The following DGCR2 variants were observed in gnomAD, a reference collection of about 807,000 sequenced individuals.
The protein encoded by DGCR2 is DiGeorge syndrome critical region gene 2.
In DGCR2, 24 loss-of-function variants were observed where a neutral mutation model predicts 51.6. That is an observed-to-expected ratio of 0.47 (90% CI 0.34 to 0.65). The LOEUF (loss-of-function observed/expected upper bound fraction) is 0.65, where lower values mean the gene tolerates loss of function less well. DGCR2 is among the 30% of genes least tolerant of loss of function. The pLI, the probability that DGCR2 is intolerant of heterozygous loss-of-function variation, is 0.01. For missense variants in DGCR2, 765 were observed against 772.1 expected (o/e 0.99, Z 0.11); for synonymous variants, 340 against 315.4 (o/e 1.08, Z -0.82).
intron 5 of DGCR2, among the ~76,000 whole-genome samples, chr22:19,059,975 G>A (rs556102731): frequency 1.4e-4 from 22 of 151,962 alleles, no homozygotes; most frequent in Admixed American, 3.9e-4. Context: ...TTCCTGTCTC[G>A]CCACCTCCAC....
At chr22:19,065,956 A>ATG (rs3831655) in intron 3 of DGCR2, 62,277 of 151,788 alleles carry the variant, frequency 0.41, 13,198 homozygotes, top group African/African-American at 0.53. Context: ...TTATGTAAGC[A>ATG]TGTGTGTGTG....
In DGCR2 at chr22:19,038,670, G is replaced by A; in HGVS notation, c.*195C>T. 1.5e-6 allele frequency: 1 copy of A among 674,336 alleles called. No individual in the cohort carries two copies. The highest frequency in any genetic ancestry group is 3.2e-5 in the Admixed American group (1 of 31,670). 41.8% of individuals were successfully genotyped at this position (674,336 alleles called of 1,614,324 possible). Reference sequence around the variant, plus strand: ...TATGCATGTTTCTGAAGCCCTCAAGGAAGCTCGGTGCAGGCCATCACTTCT... The same window carrying A: ...TATGCATGTTTCTGAAGCCCTCAAGAAAGCTCGGTGCAGGCCATCACTTCT... On this transcript the variant is annotated 3_prime_UTR_variant, in exon 10 of 10. Coordinates refer to ENST00000263196, the MANE Select transcript of DGCR2 (RefSeq NM_005137.3).
At chr22:19,095,669 A>C (rs1235841721) in intron 1 of DGCR2, among the ~76,000 whole-genome samples, 1 of 152,060 alleles carries the variant, frequency 6.6e-6, no homozygotes, top group African/African-American at 2.4e-5. Flanking sequence ...TCAAAAAAAA[A>C]AAAAAAAACA....
chr22:19,084,486 G>A (rs2082984777), intron 2 of DGCR2, among the ~76,000 whole-genome samples: 1 of 147,954 alleles, frequency 6.8e-6, no homozygotes, highest in African/African-American at 2.5e-5. Flanking sequence ...TTGCCCGGGA[G>A]CCGCCCCGTC....
In DGCR2 at chr22:19,068,129, A is replaced by C; in HGVS notation, c.299T>G (p.Val100Gly). ...RGGDPSHFHAVNVAQPVRFSS... is the reference protein window; with the variant it reads ...RGGDPSHFHAGNVAQPVRFSS... Reference sequence around the variant, plus strand: ...GAAGCGAACGGGCTGCGCCACGTTCACCGCGTGGAAGTGCGAAGGGTCGCC... The same window carrying C: ...GAAGCGAACGGGCTGCGCCACGTTCCCCGCGTGGAAGTGCGAAGGGTCGCC... The change falls in exon 3 of 10, where the codon GTG (valine) becomes GGG (glycine). Residue 100 changes from valine to glycine, a missense_variant. By Grantham distance (109) the Val-to-Gly change is moderately radical. This residue lies in a region of DGCR2 where 370 missense variants were observed against 325.5 expected (regional missense o/e 1.14). Coordinates refer to ENST00000263196, the MANE Select transcript of DGCR2 (RefSeq NM_005137.3). 7 of 1,605,024 alleles carry C rather than the reference A, an allele frequency of 4.4e-6. No homozygotes were observed. Among genetic ancestry groups the C allele is most frequent in the Non-Finnish European group, 5.9e-6 (7 of 1,176,802 alleles).
At chr22:19,121,682 A>T (rs190700230) in intron 1 of DGCR2, 338 of 153,084 alleles carry the variant, frequency 2.2e-3, no homozygotes, top group Non-Finnish European at 3.1e-3. Context: ...GGACTTCCTT[A>T]GCGCAACGTC....
intron 6 of DGCR2, among the ~76,000 whole-genome samples, chr22:19,050,562 T>C (rs2082537883): frequency 6.6e-6 from 1 of 152,254 alleles, no homozygotes; most frequent in African/African-American, 2.4e-5. Flanking sequence ...TTATAAATTA[T>C]AGCCTACATG....
rs2083284947 is a variant in DGCR2 at position 19,108,722 on chromosome 22, T to A, written c.79+13406A>T. Among the ~76,000 whole-genome samples, 4 of 151,882 alleles carry A rather than the reference T, an allele frequency of 2.6e-5. No individual in the cohort carries two copies. In the South Asian group the frequency reaches 8.3e-4, roughly 32 times the overall value. ...AATTCAATGGAGAAGGTATAACCTT[T>A]CAACAAATGGTACTAGACAGTTGGA... is the stretch of plus-strand genomic sequence containing the variant. On this transcript the variant is annotated intron_variant, in intron 1 of 9. Transcript: ENST00000263196.
chr22:19,064,083 G>C (rs777371788), intron 4 of DGCR2, among the ~76,000 whole-genome samples: 1 of 152,174 alleles, frequency 6.6e-6, no homozygotes, highest in Non-Finnish European at 1.5e-5. Flanking sequence ...ACCGCCATAA[G>C]CTCCTGCCTA....
chr22:19,048,313 C>T lies in DGCR2; in HGVS notation c.1006+127G>A. Reference sequence around the variant, plus strand: ...CTCTGAGACATCTCTGTGACAAACGCTGCCATTGCTGCTGCGCGATGCTCC... The same window carrying T: ...CTCTGAGACATCTCTGTGACAAACGTTGCCATTGCTGCTGCGCGATGCTCC... On this transcript the variant is annotated intron_variant, in intron 7 of 9. Coordinates refer to ENST00000263196, the MANE Select transcript of DGCR2 (RefSeq NM_005137.3). 2 of 970,288 alleles carry T rather than the reference C, an allele frequency of 2.1e-6. 1 individual carries two copies. The highest frequency in any genetic ancestry group is 3.0e-5 in the South Asian group (2 of 67,122). 60.1% of individuals were successfully genotyped at this position (970,288 alleles called of 1,614,324 possible).
chr22:19,041,455 C>A, intron 8 of DGCR2, 161 bp from the exon 9 acceptor site: 1 of 688,528 alleles, frequency 1.5e-6, no homozygotes, highest in East Asian at 2.7e-5. Flanking sequence ...CCCCATGAGA[C>A]CCCTGGTGTG....
intron 1 of DGCR2, among the ~76,000 whole-genome samples, chr22:19,116,723 G>C (rs1015921054): frequency 1.3e-5 from 2 of 152,250 alleles, no homozygotes; most frequent in Admixed American, 1.3e-4. Context: ...TTAGAGTCAA[G>C]AAACTACTAA....
At chr22:19,049,862 A>G (rs1442139310) in intron 6 of DGCR2, among the ~76,000 whole-genome samples, 1 of 151,300 alleles carries the variant, frequency 6.6e-6, no homozygotes, top group Non-Finnish European at 1.5e-5. Context: ...GATCAAATCT[A>G]GGTCACCCAT....
chr22:19,039,224 C>T (rs1440823212), intron 9 of DGCR2, 103 bp from the exon 10 acceptor site: 16 of 1,453,494 alleles, frequency 1.1e-5, no homozygotes, highest in Non-Finnish European at 1.4e-5. Context: ...GCCTGAAGGC[C>T]CCCCTGAAGC....
At chr22:19,081,086 C>T (rs1466345844) in intron 2 of DGCR2, among the ~76,000 whole-genome samples, 3 of 152,204 alleles carry the variant, frequency 2.0e-5, no homozygotes, top group Admixed American at 6.5e-5. Context: ...TGCTCTGCTA[C>T]ACCAGGTCAG....
intron 1 of DGCR2, among the ~76,000 whole-genome samples, chr22:19,105,474 C>CA (rs764521220): frequency 9.9e-5 from 15 of 152,192 alleles, no homozygotes; most frequent in Non-Finnish European, 2.1e-4. Context: ...AATGGGGCCT[C>CA]AGAGATGGCC....
At chr22:19,080,786 T>G (rs2082927655) in intron 2 of DGCR2, among the ~76,000 whole-genome samples, 1 of 152,206 alleles carries the variant, frequency 6.6e-6, no homozygotes, top group African/African-American at 2.4e-5. Flanking sequence ...CATTCAGCTG[T>G]GGTTTCACCA....
chr22:19,108,902 G>A (rs1450201529), intron 1 of DGCR2, among the ~76,000 whole-genome samples: 1 of 151,798 alleles, frequency 6.6e-6, no homozygotes, highest in African/African-American at 2.4e-5. Flanking sequence ...GTGGTGGCAT[G>A]CATTTGTAGT....
chr22:19,065,113 C>A, intron 3 of DGCR2, 46 bp from the exon 4 acceptor site: 1 of 1,553,206 alleles, frequency 6.4e-7, no homozygotes, highest in Non-Finnish European at 8.8e-7. Context: ...GATCCAGCTC[C>A]AAAATGGAAA....
Sources: gnomAD v4.1 joint callset for allele counts (sites outside exome capture counted in the v4.1 genomes callset) on GRCh38, gnomAD v4.1.1 for gene constraint, gnomAD v4.1.1 regional missense constraint, MANE v1.5 for transcripts, NCBI Gene and HGNC (gene_info 2026-07-23, HGNC 2026-07-21) for gene names.